DIAPH2: variants seen among roughly 807,000 people sequenced by gnomAD.
DIAPH2 encodes the protein diaphanous related formin 2.
Under a neutral mutation model 92.7 loss-of-function variants are expected in DIAPH2, and 35 were observed. That is an observed-to-expected ratio of 0.38 (90% CI 0.29 to 0.50). The LOEUF is 0.50. Among genes scored for constraint, DIAPH2 ranks in the 20% least tolerant of loss-of-function variants. The probability of loss-of-function intolerance (pLI) is 0.94; values close to 1 mark genes in which losing one functional copy is unlikely to be tolerated. For missense variants in DIAPH2, 701 were observed against 819.5 expected (o/e 0.86, Z 1.77); for synonymous variants, 301 against 280.4 (o/e 1.07, Z -0.73).
chrX:96,820,342 C>T (rs1012358690), intron 4 of DIAPH2, among the ~76,000 whole-genome samples: 5 of 111,205 alleles, frequency 4.5e-5, no homozygotes, highest in East Asian at 2.8e-4. Flanking sequence ...TGGCGGTGCA[C>T]GCCTGTAGTC....
At chrX:97,491,943 T>C (rs1007589751) in intron 26 of DIAPH2, among the ~76,000 whole-genome samples, 2 of 111,868 alleles carry the variant, frequency 1.8e-5, no homozygotes, top group South Asian at 7.5e-4. Context: ...AGCAGTTCTA[T>C]ATTAAGCTGC....
chrX:97,536,455 C>G (rs1363844363), intron 26 of DIAPH2, among the ~76,000 whole-genome samples: 3 of 112,068 alleles, frequency 2.7e-5, no homozygotes, highest in Non-Finnish European at 3.8e-5. Flanking sequence ...GAAATTTATC[C>G]TCAACATTTT....
intron 22 of DIAPH2, among the ~76,000 whole-genome samples, chrX:97,192,701 A>G (rs749394523): frequency 8.9e-6 from 1 of 111,825 alleles, no homozygotes; most frequent in Non-Finnish European, 1.9e-5. Flanking sequence ...GTGATGATAG[A>G]TGGTAGGAAT....
intron 17 of DIAPH2, among the ~76,000 whole-genome samples, chrX:97,043,325 G>A (rs949415730): frequency 1.8e-5 from 2 of 111,145 alleles, no homozygotes; most frequent in African/African-American, 3.3e-5. Flanking sequence ...CCTGAGTAAT[G>A]TTTTAGTTGC....
intron 22 of DIAPH2, among the ~76,000 whole-genome samples, chrX:97,191,656 A>G (rs953462202): frequency 8.9e-6 from 1 of 112,343 alleles, no homozygotes; most frequent in African/African-American, 3.2e-5. Flanking sequence ...TTAAAAACCT[A>G]CAATGCATTC....
At chrX:97,213,346 C>T (rs1404529314) in intron 22 of DIAPH2, among the ~76,000 whole-genome samples, 3 of 111,507 alleles carry the variant, frequency 2.7e-5, no homozygotes, top group African/African-American at 9.8e-5. Flanking sequence ...CTATGCTATT[C>T]ATCATAGCCT....
At chrX:96,925,564 A>G (rs1407675921) in intron 9 of DIAPH2, among the ~76,000 whole-genome samples, 1 of 111,015 alleles carries the variant, frequency 9.0e-6, no homozygotes, top group Non-Finnish European at 1.9e-5. Flanking sequence ...ATTCTTCATT[A>G]TGGCCCCGTT....
chrX:97,145,324 T>TAGTAGG (rs11282719), intron 22 of DIAPH2, among the ~76,000 whole-genome samples: 2 of 107,544 alleles, frequency 1.9e-5, no homozygotes, highest in South Asian at 8.0e-4. Context: ...GTAGTAGTAG[T>TAGTAGG]GGTAGTAGTA....
Position 97,254,318 on chromosome X carries a change from C to T in DIAPH2, c.2844+6479C>T, listed in dbSNP as rs2068216464. On this transcript the variant is annotated intron_variant, in intron 23 of 26. Coordinates refer to ENST00000324765, the MANE Select transcript of DIAPH2 (RefSeq NM_006729.5). ...ACCAGCCTAGCCAACATGTTGAAAC[C>T]CCATCTCTACTAAAAATACGAAAAT... 1.8e-5 allele frequency among the ~76,000 whole-genome samples: 2 copies of T among 109,946 alleles called. 1 individual carries two copies. Among genetic ancestry groups the T allele is most frequent in the South Asian group, 7.9e-4 (2 of 2,522 alleles).
At chrX:96,868,578 C>T (rs940184311) in intron 4 of DIAPH2, among the ~76,000 whole-genome samples, 7 of 111,527 alleles carry the variant, frequency 6.3e-5, no homozygotes, top group African/African-American at 1.6e-4. Flanking sequence ...CTTCTTCCCC[C>T]GCATAGAGTC....
chrX:97,270,024 A>G (rs1186705826), intron 23 of DIAPH2, among the ~76,000 whole-genome samples: 5 of 109,597 alleles, frequency 4.6e-5, no homozygotes, highest in African/African-American at 1.7e-4. Flanking sequence ...TCCGCTTCCC[A>G]GGTTCAAGCA....
intron 4 of DIAPH2, among the ~76,000 whole-genome samples, chrX:96,805,674 C>G (rs992697800): frequency 9.0e-6 from 1 of 111,169 alleles, no homozygotes; most frequent in African/African-American, 3.3e-5. Flanking sequence ...GAGTATTTCA[C>G]TGTAATGTTT....
intron 23 of DIAPH2, among the ~76,000 whole-genome samples, chrX:97,343,766 G>T (rs750589445): frequency 5.4e-5 from 6 of 110,926 alleles, no homozygotes; most frequent in African/African-American, 1.6e-4. Context: ...TTTCATTTCT[G>T]TGTCACAGAA....
At chrX:97,045,274 G>A (rs2147889438) in intron 17 of DIAPH2, among the ~76,000 whole-genome samples, 1 of 111,793 alleles carries the variant, frequency 8.9e-6, no homozygotes, top group South Asian at 3.7e-4. Context: ...CAGGGTCAGG[G>A]GTCAAGAATA....
chrX:97,477,116 G>A (rs2070615359), intron 26 of DIAPH2, among the ~76,000 whole-genome samples: 2 of 106,130 alleles, frequency 1.9e-5, no homozygotes, highest in South Asian at 8.7e-4. Context: ...GATCACCTGA[G>A]GTCAGGAGTT....
intron 19 of DIAPH2, among the ~76,000 whole-genome samples, chrX:97,097,057 G>A (rs1339342142): frequency 9.0e-6 from 1 of 111,325 alleles, no homozygotes; most frequent in African/African-American, 3.3e-5. Flanking sequence ...ATGAGTAGGT[G>A]AAGTGGAGGT....
intron 1 of DIAPH2, among the ~76,000 whole-genome samples, chrX:96,732,821 A>G (rs1424039226): frequency 1.8e-5 from 2 of 112,345 alleles, no homozygotes; most frequent in Admixed American, 9.4e-5. Flanking sequence ...AGAAATGTAT[A>G]TAGCAGAATG....
intron 4 of DIAPH2, among the ~76,000 whole-genome samples, chrX:96,809,489 C>T (rs2064657624): frequency 9.2e-6 from 1 of 109,087 alleles, no homozygotes; most frequent in Non-Finnish European, 1.9e-5. Flanking sequence ...CCCATTGCAC[C>T]ACAACTCTTT....
intron 1 of DIAPH2, among the ~76,000 whole-genome samples, chrX:96,726,952 G>A (rs754183685): frequency 2.5e-4 from 28 of 111,796 alleles, no homozygotes; most frequent in Non-Finnish European, 3.8e-5. Context: ...TTTAGCCTTT[G>A]ATTCCTTCTT....
Sources: allele counts gnomAD v4.1 joint callset (sites outside exome capture counted in the v4.1 genomes callset), GRCh38; gene constraint gnomAD v4.1.1; transcripts MANE v1.5; gene names NCBI Gene and HGNC (gene_info 2026-07-23, HGNC 2026-07-21).